Variants in ZNF385D observed in about 807,000 individuals in gnomAD.
The protein encoded by ZNF385D is zinc finger protein 385D.
Under a neutral mutation model 35.8 loss-of-function variants are expected in ZNF385D, and 15 were observed. The observed-to-expected ratio is 0.42, with a 90% CI of 0.28 to 0.64. ZNF385D has a LOEUF of 0.64. ZNF385D is among the 30% of genes least tolerant of loss of function. ZNF385D has a pLI of 0.23. For missense variants in ZNF385D, 474 were observed against 494.6 expected (o/e 0.96, Z 0.39); for synonymous variants, 212 against 186.8 (o/e 1.13, Z -1.10).
rs1237387215 is a variant in ZNF385D at position 21,732,027 on chromosome 3, GGGGTTTTTTTTTTTTTTTTTTTTTT to G, written c.22+18843_22+18867del. Reference sequence around the variant, plus strand: ...CTATTCAGGGTTTTTTTCTTTTTTCGGGGTTTTTTTTTTTTTTTTTTTTTTTTTTTTTTTTTTTTTTTGAGAACGG... The same window carrying G: ...CTATTCAGGGTTTTTTTCTTTTTTCGTTTTTTTTTTTTTTTTTGAGAACGG... On this transcript the variant is annotated intron_variant, in intron 1 of 7. Coordinates refer to ENST00000281523, the MANE Select transcript of ZNF385D (RefSeq NM_024697.3). Among the ~76,000 whole-genome samples, 16 of 64,270 alleles carry G rather than the reference GGGGTTTTTTTTTTTTTTTTTTTTTT, an allele frequency of 2.5e-4. 2 individuals are homozygous for G. The highest frequency in any genetic ancestry group is 2.0e-3 in the South Asian group (3 of 1,468). 42.2% of individuals were successfully genotyped at this position (64,270 alleles called of 152,430 possible). A position where few individuals can be genotyped will look rare whatever the true frequency, so the allele number is the denominator to read the frequency against.
intron 3 of ZNF385D, among the ~76,000 whole-genome samples, chr3:21,932,224 G>T (rs1166085641): frequency 7.3e-6 from 1 of 137,768 alleles, no homozygotes; most frequent in African/African-American, 2.6e-5. Flanking sequence ...AATATTAAGT[G>T]TAAGAAGCCC....
At chr3:21,825,123 A>G (rs150397563) in intron 3 of ZNF385D, among the ~76,000 whole-genome samples, 2 of 152,346 alleles carry the variant, frequency 1.3e-5, no homozygotes, top group African/African-American at 2.4e-5. Context: ...CTAATGTTAA[A>G]TATTTTTCTC....
chr3:22,105,202 T>C (rs1463508777), intron 3 of ZNF385D, among the ~76,000 whole-genome samples: 2 of 152,028 alleles, frequency 1.3e-5, no homozygotes, highest in Non-Finnish European at 2.9e-5. Context: ...ATCAGAACCA[T>C]AAAATAGTAT....
At chr3:22,023,006 A>C (rs546438705) in intron 3 of ZNF385D, among the ~76,000 whole-genome samples, 91 of 152,290 alleles carry the variant, frequency 6.0e-4, no homozygotes, top group African/African-American at 2.1e-3. Context: ...AACACAAAAT[A>C]AAAGTACACA....
chr3:22,327,268 C>T (rs565873358), intron 2 of ZNF385D, among the ~76,000 whole-genome samples: 1 of 152,132 alleles, frequency 6.6e-6, no homozygotes, highest in Admixed American at 6.5e-5. Flanking sequence ...GTAAATAAAA[C>T]TTTACCTCCA....
intron 2 of ZNF385D, among the ~76,000 whole-genome samples, chr3:22,236,037 G>GT (rs1699164324): frequency 6.6e-6 from 1 of 151,944 alleles, no homozygotes; most frequent in African/African-American, 2.4e-5. Context: ...AACATTGATT[G>GT]TAACAGCAAG....
chr3:22,243,180 T>TA (rs774553861), intron 2 of ZNF385D, among the ~76,000 whole-genome samples: 1 of 149,586 alleles, frequency 6.7e-6, no homozygotes, highest in Admixed American at 6.7e-5. Flanking sequence ...AACCCAATAA[T>TA]AAAAAAACAA....
At chr3:21,617,637 G>T (rs1223871197) in intron 2 of ZNF385D, among the ~76,000 whole-genome samples, 1 of 152,156 alleles carries the variant, frequency 6.6e-6, no homozygotes, top group Non-Finnish European at 1.5e-5. Flanking sequence ...AACAGCAAGT[G>T]ATTGAAACGC....
At chr3:21,812,518 G>C (rs1375214935) in intron 3 of ZNF385D, among the ~76,000 whole-genome samples, 1 of 152,244 alleles carries the variant, frequency 6.6e-6, no homozygotes, top group Non-Finnish European at 1.5e-5. Flanking sequence ...TTTTCCAACA[G>C]TCTTAGCAAA....
At chr3:22,046,828 T>C (rs1430241115) in intron 3 of ZNF385D, among the ~76,000 whole-genome samples, 1 of 152,160 alleles carries the variant, frequency 6.6e-6, no homozygotes, top group East Asian at 1.9e-4. Flanking sequence ...AAACAATTTA[T>C]TTTATATTTG....
At chr3:22,188,601 C>T (rs1239855338) in intron 2 of ZNF385D, among the ~76,000 whole-genome samples, 1 of 152,000 alleles carries the variant, frequency 6.6e-6, no homozygotes, top group African/African-American at 2.4e-5. Context: ...AGGTGCCTGC[C>T]ACCACACCCT....
chr3:22,343,245 T>C (rs550501848), intron 2 of ZNF385D, among the ~76,000 whole-genome samples: 50 of 152,312 alleles, frequency 3.3e-4, no homozygotes, highest in African/African-American at 9.9e-4. Context: ...ACCATTAGTG[T>C]CTTTGAAATC....
At chr3:22,262,176 T>C (rs1245677867) in intron 2 of ZNF385D, among the ~76,000 whole-genome samples, 1 of 151,856 alleles carries the variant, frequency 6.6e-6, no homozygotes, top group Admixed American at 6.6e-5. Flanking sequence ...AAAGACAGAG[T>C]AGAAAACATT....
At chr3:21,503,016 A>G (rs1321507012) in intron 4 of ZNF385D, among the ~76,000 whole-genome samples, 3 of 152,196 alleles carry the variant, frequency 2.0e-5, no homozygotes, top group African/African-American at 7.2e-5. Context: ...TTCCACATTG[A>G]TAAGAGGGGC....
At chr3:22,033,489 C>CT (rs1433350739) in intron 3 of ZNF385D, among the ~76,000 whole-genome samples, 1 of 150,868 alleles carries the variant, frequency 6.6e-6, no homozygotes, top group Non-Finnish European at 1.5e-5. Flanking sequence ...CCAGGGAAAT[C>CT]TTTTTGAAGG....
intron 3 of ZNF385D, among the ~76,000 whole-genome samples, chr3:21,549,169 A>T (rs530339390): frequency 6.6e-6 from 1 of 152,204 alleles, no homozygotes; most frequent in Non-Finnish European, 1.5e-5. Flanking sequence ...AAACCCAGAT[A>T]AATACAAACT....
chr3:22,151,755 A>G (rs1705251675), intron 3 of ZNF385D, among the ~76,000 whole-genome samples: 1 of 152,140 alleles, frequency 6.6e-6, no homozygotes, highest in Non-Finnish European at 1.5e-5. Flanking sequence ...CCAGAATAAT[A>G]TTTGACCAAA....
intron 1 of ZNF385D, among the ~76,000 whole-genome samples, chr3:21,685,854 A>G (rs774835979): frequency 2.0e-5 from 3 of 152,226 alleles, no homozygotes; most frequent in Non-Finnish European, 4.4e-5. Context: ...AACACAGTAA[A>G]GTAATAAGCC....
chr3:21,571,234 A>G (rs537542656), intron 2 of ZNF385D, among the ~76,000 whole-genome samples: 1 of 152,282 alleles, frequency 6.6e-6, no homozygotes, highest in South Asian at 2.1e-4. Flanking sequence ...ATAAGTATAC[A>G]GTATGCATTC....
Sources: gnomAD v4.1 joint callset for allele counts (sites outside exome capture counted in the v4.1 genomes callset) on GRCh38, gnomAD v4.1.1 for gene constraint, MANE v1.5 for transcripts, NCBI Gene and HGNC (gene_info 2026-07-23, HGNC 2026-07-21) for gene names.